Variants in PATJ observed in about 807,000 individuals in gnomAD.
The protein encoded by PATJ is inaD-like protein.
In PATJ, 190 loss-of-function variants were observed where a neutral mutation model predicts 224.9. The ratio of observed to expected loss-of-function variants is 0.84; its 90% CI spans 0.75 to 0.95. The LOEUF (loss-of-function observed/expected upper bound fraction) is 0.95, where lower values mean the gene tolerates loss of function less well. Ranked by LOEUF, PATJ falls within the 40% of genes least tolerant of loss-of-function variation. PATJ has a pLI of 0.00. For missense variants in PATJ, 2,121 were observed against 2,270.3 expected, an observed-to-expected ratio of 0.93 and a Z score of 1.34; for synonymous variants, 769 against 820.3, an observed-to-expected ratio of 0.94 and a Z score of 1.07.
At chr1:61,982,804 A>G (rs1644522986) in intron 27 of PATJ, among the ~76,000 whole-genome samples, 1 of 151,912 alleles carries the variant, frequency 6.6e-6, no homozygotes, top group Admixed American at 6.6e-5. Context: ...GCAACAAAGG[A>G]TGGGTTCTTT....
chr1:61,954,454 C>T (rs1557936855), intron 27 of PATJ, among the ~76,000 whole-genome samples: 1 of 152,076 alleles, frequency 6.6e-6, no homozygotes, highest in Non-Finnish European at 1.5e-5. Flanking sequence ...TTTTATGTCA[C>T]TTTAAAGTAT....
chr1:62,009,782 T>C (rs146892102), intron 28 of PATJ, among the ~76,000 whole-genome samples: 14 of 152,260 alleles, frequency 9.2e-5, no homozygotes, highest in African/African-American at 3.1e-4. Flanking sequence ...CCGGGAGATT[T>C]CATGTCAAGA....
At position 61,775,166 on chromosome 1, in the gene PATJ, A is replaced by G. The variant is rs370900134; in HGVS notation, c.721-40A>G. The G allele has an allele frequency of 3.8e-6, 6 of 1,587,400 alleles. No homozygotes were observed. In the Admixed American group the frequency reaches 5.6e-5, roughly 15 times the overall value. On this transcript the variant is annotated intron_variant, in intron 6 of 43. Transcript: ENST00000642238. ...ATTGGAAAGCTAAGAACCTGTGTGT[A>G]TTACTGATACTGCGACTCTTATTTG... is the stretch of plus-strand genomic sequence containing the variant.
intron 31 of PATJ, among the ~76,000 whole-genome samples, chr1:62,051,570 A>G (rs1437402793): frequency 6.6e-6 from 1 of 152,116 alleles, no homozygotes; most frequent in African/African-American, 2.4e-5. Flanking sequence ...CAGATGATCC[A>G]TCCGCCTTGG....
intron 26 of PATJ, among the ~76,000 whole-genome samples, chr1:61,924,503 T>C (rs879358059): frequency 2.8e-4 from 42 of 152,230 alleles, no homozygotes; most frequent in Non-Finnish European, 5.9e-4. Flanking sequence ...TGAATTTGGA[T>C]CCTTATATAA....
intron 26 of PATJ, among the ~76,000 whole-genome samples, chr1:61,920,475 C>T (rs1482073397): frequency 6.6e-6 from 1 of 152,092 alleles, no homozygotes; most frequent in Non-Finnish European, 1.5e-5. Context: ...GATTATGAGG[C>T]CTCTCCTGCC....
Position 61,990,153 on chromosome 1 carries a change from A to G in PATJ, c.3671-15A>G. The G allele has an allele frequency of 6.4e-7, 1 of 1,560,672 alleles. No homozygotes were observed. Among genetic ancestry groups the G allele is most frequent in the South Asian group, 1.2e-5 (1 of 83,506 alleles). On this transcript the variant is annotated splice_polypyrimidine_tract_variant and intron_variant, in intron 27 of 43. Coordinates refer to ENST00000642238, the MANE Select transcript of PATJ (RefSeq NM_001350145.3). ...CAAGCTACTCTATTTAATTTTAAAAAAATTCTTTTAATAGAAAAAATCAGA... is the reference window on the plus strand; with the variant it reads ...CAAGCTACTCTATTTAATTTTAAAAGAATTCTTTTAATAGAAAAAATCAGA...
rs1240946750 is a variant in PATJ at position 61,793,022 on chromosome 1, G to C, written c.1168+1575G>C. On this transcript the variant is annotated intron_variant, in intron 9 of 43. Coordinates refer to ENST00000642238, the MANE Select transcript of PATJ (RefSeq NM_001350145.3). Reference sequence around the variant, plus strand: ...AAAATGAATAAGAGAAGTCTGTTCAGGGAGACAAACATATAAGAAACACTT... The same window carrying C: ...AAAATGAATAAGAGAAGTCTGTTCACGGAGACAAACATATAAGAAACACTT... Among the ~76,000 whole-genome samples, 6 of 152,086 alleles carry C rather than the reference G, an allele frequency of 3.9e-5. No homozygotes were observed. The East Asian group carries it at 1.2e-3, about 29-fold the overall frequency.
intron 20 of PATJ, among the ~76,000 whole-genome samples, chr1:61,871,437 GTA>G (rs1403222381): frequency 3.7e-5 from 4 of 107,378 alleles, no homozygotes; most frequent in African/African-American, 1.4e-4. Context: ...ATATATATGT[GTA>G]TATACACATA....
At chr1:61,980,435 ATT>A (rs1187668459) in intron 27 of PATJ, among the ~76,000 whole-genome samples, 2 of 122,352 alleles carry the variant, frequency 1.6e-5, no homozygotes, top group South Asian at 5.4e-4. Flanking sequence ...TACTTATATA[ATT>A]TGTGTGTGTG....
intron 41 of PATJ, among the ~76,000 whole-genome samples, chr1:62,143,476 C>T (rs1034741989): frequency 6.3e-5 from 7 of 111,118 alleles, no homozygotes; most frequent in African/African-American, 2.6e-4. Context: ...TTTGAGACAG[C>T]GTCTCCCTCT....
chr1:61,771,685 T>G (rs914118041), intron 6 of PATJ, 59 bp downstream of exon 6: 1 of 1,245,658 alleles, frequency 8.0e-7, no homozygotes. Context: ...TCGTAAGAAG[T>G]GTAAAGACAT....
chr1:62,150,321 G>A (rs1290976808), intron 42 of PATJ, among the ~76,000 whole-genome samples: 1 of 152,110 alleles, frequency 6.6e-6, no homozygotes, highest in East Asian at 1.9e-4. Context: ...TGTAAGTAAA[G>A]ATATTGCCCC....
intron 28 of PATJ, among the ~76,000 whole-genome samples, chr1:62,017,354 C>A (rs1202475349): frequency 6.7e-6 from 1 of 149,884 alleles, no homozygotes; most frequent in Non-Finnish European, 1.5e-5. Flanking sequence ...GCAGAGGTTG[C>A]AGTGAGCCGA....
chr1:62,063,742 CTA>C (rs1336393295), intron 31 of PATJ, among the ~76,000 whole-genome samples: 1 of 152,032 alleles, frequency 6.6e-6, no homozygotes, highest in Non-Finnish European at 1.5e-5. Flanking sequence ...AAATGTATCC[CTA>C]GGTATTTTTT....
Position 61,796,658 on chromosome 1 carries a change from T to TTTTCTTTCTTTC in PATJ, c.1261-573_1261-562dup, listed in dbSNP as rs202216894. Among the ~76,000 whole-genome samples the TTTTCTTTCTTTC allele has an allele frequency of 8.8e-4, 91 of 103,750 alleles. 2 individuals are homozygous for TTTTCTTTCTTTC. Among genetic ancestry groups the TTTTCTTTCTTTC allele is most frequent in the African/African-American group, 2.2e-3 (68 of 30,986 alleles). 68.1% of individuals were successfully genotyped at this position (103,750 alleles called of 152,430 possible). ...AAATATATCCTAAGGTCTAAATTTA[T>TTTTCTTTCTTTC]TTTCTTTCTTTCTTTCTTTCTTTCT... On this transcript the variant is annotated intron_variant, in intron 10 of 43. Transcript: ENST00000642238.
chr1:62,068,310 GT>G (rs1463411045), intron 31 of PATJ, among the ~76,000 whole-genome samples: 5 of 152,298 alleles, frequency 3.3e-5, no homozygotes, highest in Middle Eastern at 3.4e-3. Context: ...AGGGCTAGAG[GT>G]TTGTTTGTTT....
chr1:61,846,446 T>A (rs1205749148), intron 17 of PATJ, among the ~76,000 whole-genome samples: 1 of 152,202 alleles, frequency 6.6e-6, no homozygotes, highest in Non-Finnish European at 1.5e-5. Context: ...TAATACAACT[T>A]TTTTCTGGAA....
At chr1:62,090,726 T>C (rs993979276) in intron 33 of PATJ, among the ~76,000 whole-genome samples, 3 of 152,172 alleles carry the variant, frequency 2.0e-5, no homozygotes, top group South Asian at 2.1e-4. Context: ...TGAATTTGCA[T>C]GAAATCCTAC....
Sources: gnomAD v4.1 joint callset for allele counts (sites outside exome capture counted in the v4.1 genomes callset) on GRCh38, gnomAD v4.1.1 for gene constraint, MANE v1.5 for transcripts, NCBI Gene and HGNC (gene_info 2026-07-23, HGNC 2026-07-21) for gene names.